Variants in KCNK6 observed in about 807,000 individuals in gnomAD.
KCNK6 encodes the protein potassium channel subfamily K member 6.
KCNK6 carries 20 observed loss-of-function variants against 21.9 expected under a neutral mutation model. The observed-to-expected ratio is 0.91, with a 90% CI of 0.64 to 1.32. The LOEUF (loss-of-function observed/expected upper bound fraction) is 1.32, where lower values mean the gene tolerates loss of function less well. KCNK6 is among the 40% of genes most tolerant of loss of function. The probability of loss-of-function intolerance (pLI) is 0.00; values close to 1 mark genes in which losing one functional copy is unlikely to be tolerated. For missense variants in KCNK6, 415 were observed against 433.1 expected (o/e 0.96, Z 0.37); for synonymous variants, 210 against 218.0 (o/e 0.96, Z 0.32).
chr19:38,327,391 C>T lies in KCNK6; in HGVS notation c.930C>T (p.Ser310=). Residue 310 remains serine (S), a synonymous_variant, in exon 3 of 3, where the codon TCC becomes TCT. Transcript: ENST00000263372. ...LSASSHTDYA[S]IPR is the part of the protein sequence containing the mutation. Reference sequence around the variant, plus strand: ...CCAGCTCCCACACCGACTACGCTTCCATCCCCAGGTAGCTGGGGCAGCCTC... The same window carrying T: ...CCAGCTCCCACACCGACTACGCTTCTATCCCCAGGTAGCTGGGGCAGCCTC... 2 of 1,608,694 alleles carry T rather than the reference C, an allele frequency of 1.2e-6. No homozygotes were observed. Among genetic ancestry groups the T allele is most frequent in the Non-Finnish European group, 8.5e-7 (1 of 1,179,924 alleles).
At chr19:38,320,326 C>G in intron 1 of KCNK6, 54 bp downstream of exon 1, 2 of 1,584,434 alleles carry the variant, frequency 1.3e-6, no homozygotes, top group Non-Finnish European at 1.7e-6. Flanking sequence ...CCACTTCATC[C>G]TTAACCCCTG....
In KCNK6 at chr19:38,330,827, G is replaced by T. The variant is rs948224973; in HGVS notation, c.*3424G>T. 3.3e-5 allele frequency: 5 copies of T among 152,120 alleles called. No individual in the cohort carries two copies. Among genetic ancestry groups the T allele is most frequent in the Middle Eastern group, 3.2e-3 (1 of 316 alleles). The allele number at this position is 152,120 out of a possible 1,614,324, so 9.4% of individuals were successfully genotyped here. On this transcript the variant is annotated 3_prime_UTR_variant, in exon 3 of 3. Transcript: ENST00000263372. Reference sequence around the variant, plus strand: ...GGGATTTGAACAAGGTTTTGGTTGGGCATCTTTTCCTATGGGAGCTCAGAA... The same window carrying T: ...GGGATTTGAACAAGGTTTTGGTTGGTCATCTTTTCCTATGGGAGCTCAGAA...
rs1224968973 is a variant in KCNK6 at position 38,330,395 on chromosome 19, C to G, written c.*2992C>G. 1.3e-5 allele frequency: 2 copies of G among 150,774 alleles called. No individual in the cohort carries two copies. The highest frequency in any genetic ancestry group is 4.9e-5 in the African/African-American group (2 of 40,994). The allele number at this position is 150,774 out of a possible 1,614,324, so 9.3% of individuals were successfully genotyped here. ...CCTATAATCCTAGCAAATCGTAGTACTTTGGGAGGCCGAGGCAGGAGGATT... is the reference window on the plus strand; with the variant it reads ...CCTATAATCCTAGCAAATCGTAGTAGTTTGGGAGGCCGAGGCAGGAGGATT... On this transcript the variant is annotated 3_prime_UTR_variant, in exon 3 of 3. Transcript: ENST00000263372.
In KCNK6 at chr19:38,327,783, G is replaced by A. The variant is rs937560420; in HGVS notation, c.*380G>A. On this transcript the variant is annotated 3_prime_UTR_variant, in exon 3 of 3. Coordinates refer to ENST00000263372, the MANE Select transcript of KCNK6 (RefSeq NM_004823.3). ...ACTCGTCAACTGCTGATTCTACTGG[G>A]CTGTGGGCTCAGACCTCATTTCAGG... 4 of 254,314 alleles carry A rather than the reference G, an allele frequency of 1.6e-5. No homozygotes were observed. The highest frequency in any genetic ancestry group is 5.1e-5 in the Admixed American group (1 of 19,738). The allele number at this position is 254,314 out of a possible 1,614,324, so 15.8% of individuals were successfully genotyped here. A position where few individuals can be genotyped will look rare whatever the true frequency, so the allele number is the denominator to read the frequency against.
rs1363753425 is a variant in KCNK6, at chr19:38,319,872, G to A, written c.-79G>A. 1 of 1,295,980 alleles carries A rather than the reference G, an allele frequency of 7.7e-7. No individual in the cohort carries two copies. The highest frequency in any genetic ancestry group is 3.1e-5 in the East Asian group (1 of 31,818). The allele number at this position is 1,295,980 out of a possible 1,614,324, so 80.3% of individuals were successfully genotyped here. A position where few individuals can be genotyped will look rare whatever the true frequency, so the allele number is the denominator to read the frequency against. ...CGCGCCTGTAGCACTCCCGGAACTG[G>A]AACTAGGTGCCAGACGGTCCGGAGG... On this transcript the variant is annotated 5_prime_UTR_variant, in exon 1 of 3. Transcript: ENST00000263372.
intron 1 of KCNK6, among the ~76,000 whole-genome samples, chr19:38,323,717 T>C (rs924702314): frequency 1.3e-4 from 20 of 152,220 alleles, no homozygotes; most frequent in African/African-American, 4.8e-4. Context: ...CCTGAGTAGT[T>C]GGAACCACAC....
chr19:38,323,898 A>G (rs73041289), intron 1 of KCNK6, among the ~76,000 whole-genome samples: 3,504 of 150,466 alleles, frequency 0.023, 82 homozygotes, highest in South Asian at 0.097. Flanking sequence ...CTGGCCAGGA[A>G]GGGATTGCTT....
Position 38,319,943 on chromosome 19 carries a change from TG to T in KCNK6, c.-5del. 7.0e-7 allele frequency: 1 copy of T among 1,427,238 alleles called. No individual in the cohort carries two copies. The highest frequency in any genetic ancestry group is 9.1e-7 in the Non-Finnish European group (1 of 1,102,474). The allele number at this position is 1,427,238 out of a possible 1,614,324, so 88.4% of individuals were successfully genotyped here. Reference sequence around the variant, plus strand: ...CCACCCAGGGCTCGCGGGGTCCCGGTGGGTGCCATGCGGAGGGGCGCGCTTC... The same window carrying T: ...CCACCCAGGGCTCGCGGGGTCCCGGTGGTGCCATGCGGAGGGGCGCGCTTC... On this transcript the variant is annotated 5_prime_UTR_variant, in exon 1 of 3. Transcript: ENST00000263372.
intron 1 of KCNK6, among the ~76,000 whole-genome samples, chr19:38,322,869 T>C (rs2145039304): frequency 6.6e-6 from 1 of 151,624 alleles, no homozygotes; most frequent in East Asian, 1.9e-4. Context: ...TCCCAGCACT[T>C]TGGGAGGCTG....
chr19:38,326,263 C>T (rs1198157396), intron 1 of KCNK6, among the ~76,000 whole-genome samples: 3 of 152,050 alleles, frequency 2.0e-5, no homozygotes, highest in Admixed American at 2.0e-4. Context: ...GGAGGGTTTT[C>T]CCTGGCTGGG....
chr19:38,327,291 C>A lies in KCNK6; in HGVS notation c.830C>A (p.Ala277Asp). The A allele has an allele frequency of 6.2e-7, 1 of 1,613,770 alleles. No individual in the cohort carries two copies. Among genetic ancestry groups the A allele is most frequent in the Admixed American group, 1.7e-5 (1 of 60,028 alleles). The change falls in exon 3 of 3, where the codon GCC (alanine) becomes GAC (aspartate). Residue 277 changes from alanine (A) to aspartate (D), a missense_variant. Ala to Asp is a moderately radical substitution (Grantham distance 126). Coordinates refer to ENST00000263372, the MANE Select transcript of KCNK6 (RefSeq NM_004823.3). ...ELILLPPPCP[A>D]SFNADEDDRV... is the part of the protein sequence containing the mutation. Reference sequence around the variant, plus strand: ...ATCCTGCTGCCCCCTCCGTGCCCTGCCAGTTTCAATGCGGATGAGGACGAT... The same window carrying A: ...ATCCTGCTGCCCCCTCCGTGCCCTGACAGTTTCAATGCGGATGAGGACGAT...
Position 38,328,850 on chromosome 19 carries a change from GAA to G in KCNK6, c.*1449_*1450del. 7.2e-6 allele frequency: 1 copy of G among 137,992 alleles called. No homozygotes were observed. Among genetic ancestry groups the G allele is most frequent in the East Asian group, 2.4e-4 (1 of 4,238 alleles). The allele number at this position is 137,992 out of a possible 1,614,324, so 8.5% of individuals were successfully genotyped here. A position where few individuals can be genotyped will look rare whatever the true frequency, so the allele number is the denominator to read the frequency against. ...GGACAGAGTGAGACCCTGTCTGAAA[GAA>G]AGAGAGAAAGAAAGAAAGAAAGAGA... On this transcript the variant is annotated 3_prime_UTR_variant, in exon 3 of 3. Coordinates refer to ENST00000263372, the MANE Select transcript of KCNK6 (RefSeq NM_004823.3).
chr19:38,326,501 T>G, intron 1 of KCNK6, 92 bp from the exon 2 acceptor site: 1 of 1,413,572 alleles, frequency 7.1e-7, no homozygotes, highest in Non-Finnish European at 9.6e-7. Context: ...CAGTAAGCTA[T>G]GATGGCACCG....
Position 38,327,363 on chromosome 19 carries a change from C to T in KCNK6, c.902C>T (p.Ser301Phe). Residue 301 changes from serine to phenylalanine, a missense_variant, in exon 3 of 3, where the codon TCT becomes TTT. Ser to Phe is a radical substitution (Grantham distance 155, BLOSUM62 -2). Coordinates refer to ENST00000263372, the MANE Select transcript of KCNK6 (RefSeq NM_004823.3). ...GPQPESHQQL[S>F]ASSHTDYASI... ...CAGCCGGAGTCGCACCAGCAACTCT[C>T]TGCCAGCTCCCACACCGACTACGCT... The T allele has an allele frequency of 6.2e-7, 1 of 1,611,856 alleles. No individual in the cohort carries two copies. The highest frequency in any genetic ancestry group is 1.3e-5 in the African/African-American group (1 of 75,058).
At chr19:38,325,237 C>T (rs2145041344) in intron 1 of KCNK6, 1 of 176,290 alleles carries the variant, frequency 5.7e-6, no homozygotes, top group Middle Eastern at 2.9e-3. Flanking sequence ...CTGCCTCAGC[C>T]TGCTGAGTAG....
rs1404194346 is a variant in KCNK6, at chr19:38,327,559, G to A, written c.*156G>A. 4.3e-6 allele frequency: 3 copies of A among 693,692 alleles called. No individual in the cohort carries two copies. In the African/African-American group the frequency reaches 5.4e-5, roughly 12 times the overall value. The allele number at this position is 693,692 out of a possible 1,614,324, so 43.0% of individuals were successfully genotyped here. On this transcript the variant is annotated 3_prime_UTR_variant, in exon 3 of 3. Transcript: ENST00000263372. The stretch of plus-strand genomic sequence containing the variant: ...CCTTTGTTTCCCAGCATCTGGCTGG[G>A]ATGTGAAGGGCAGCACTCCCTGTCC...
chr19:38,327,314 G>A lies in KCNK6; in HGVS notation c.853G>A (p.Asp285Asn), dbSNP rs756021437. ...TGCCAGTTTCAATGCGGATGAGGACGATCGGGTGGACATCCTGGGCCCCCA... is the reference window on the plus strand; with the variant it reads ...TGCCAGTTTCAATGCGGATGAGGACAATCGGGTGGACATCCTGGGCCCCCA... ...CPASFNADED[D>N]RVDILGPQPE... Residue 285 changes from aspartate to asparagine, a missense_variant, in exon 3 of 3, where the codon GAT becomes AAT. By Grantham distance (23) the Asp-to-Asn change is conservative. Coordinates refer to ENST00000263372, the MANE Select transcript of KCNK6 (RefSeq NM_004823.3). 3.7e-6 allele frequency: 6 copies of A among 1,613,380 alleles called. No individual in the cohort carries two copies. Among genetic ancestry groups the A allele is most frequent in the Non-Finnish European group, 4.2e-6 (5 of 1,180,006 alleles).
In KCNK6 at chr19:38,320,265, C is replaced by T. The variant is rs1188916985; in HGVS notation, c.315C>T (p.Thr105=). The T allele has an allele frequency of 6.2e-7, 1 of 1,606,096 alleles. No homozygotes were observed. Among genetic ancestry groups the T allele is most frequent in the Admixed American group, 1.7e-5 (1 of 59,998 alleles). The stretch of plus-strand genomic sequence containing the variant: ...TCTTCTTCGCCAGCACGCTGATCAC[C>T]ACCGTGGGTACGTAAGCGCCTCACC... ...SALFFASTLI[T]TVGYGYTTPL... is the part of the protein sequence containing the mutation. Residue 105 remains threonine, a synonymous_variant, in exon 1 of 3, where the codon ACC becomes ACT. Transcript: ENST00000263372.
intron 2 of KCNK6, 89 bp from the exon 3 acceptor site, chr19:38,327,091 A>G: frequency 6.4e-7 from 1 of 1,570,800 alleles, no homozygotes; most frequent in Non-Finnish European, 8.6e-7. Context: ...AAGGGATCCA[A>G]CCCCACCCTG....
Sources: allele counts gnomAD v4.1 joint callset (sites outside exome capture counted in the v4.1 genomes callset), GRCh38; gene constraint gnomAD v4.1.1; transcripts MANE v1.5; gene names NCBI Gene and HGNC (gene_info 2026-07-23, HGNC 2026-07-21).